The following CREBBP variants were observed in gnomAD, a reference collection of about 807,000 sequenced individuals.
CREBBP encodes the protein CREB-binding protein.
CREBBP carries 19 observed loss-of-function variants against 265.0 expected under a neutral mutation model. The observed-to-expected ratio is 0.07, with a 90% CI of 0.05 to 0.11. The LOEUF is 0.11. CREBBP is among the 10% of genes least tolerant of loss of function. The pLI, the probability that CREBBP is intolerant of heterozygous loss-of-function variation, is 1.00. For synonymous variants in CREBBP, 1,457 were observed against 1,223.7 expected, an observed-to-expected ratio of 1.19 and a Z score of -3.98; for missense variants, 2,525 against 3,219.0, an observed-to-expected ratio of 0.78 and a Z score of 5.22.
intron 1 of CREBBP, among the ~76,000 whole-genome samples, chr16:3,871,377 C>T (rs973163566): frequency 3.9e-5 from 6 of 152,328 alleles, no homozygotes; most frequent in African/African-American, 1.2e-4. Context: ...GTATAAAAAG[C>T]TGACATTTCC....
intron 1 of CREBBP, among the ~76,000 whole-genome samples, chr16:3,857,684 G>C (rs1000355552): frequency 6.6e-6 from 1 of 152,210 alleles, no homozygotes; most frequent in African/African-American, 2.4e-5. Context: ...GCAAAGAAAA[G>C]GAGACTGTGG....
chr16:3,726,168 A>G lies in CREBBP; in HGVS notation c.*1550T>C, dbSNP rs1232745961. The stretch of plus-strand genomic sequence containing the variant: ...GGACATGCTGCGCGGCAGCGGCAGG[A>G]TTTGGGGGGAAGTCAGAAAGCACCT... On this transcript the variant is annotated 3_prime_UTR_variant, in exon 31 of 31. Transcript: ENST00000262367. 1 of 225,522 alleles carries G rather than the reference A, an allele frequency of 4.4e-6. No homozygotes were observed. The highest frequency in any genetic ancestry group is 8.7e-6 in the Non-Finnish European group (1 of 115,158). 14.0% of individuals were successfully genotyped at this position (225,522 alleles called of 1,614,324 possible).
intron 1 of CREBBP, among the ~76,000 whole-genome samples, chr16:3,870,406 A>G (rs571786536): frequency 1.8e-4 from 27 of 152,348 alleles, no homozygotes; most frequent in African/African-American, 6.0e-4. Context: ...TACTATATTT[A>G]TAATTTCTCT....
chr16:3,863,945 C>G (rs918316679), intron 1 of CREBBP, among the ~76,000 whole-genome samples: 1 of 152,198 alleles, frequency 6.6e-6, no homozygotes, highest in East Asian at 1.9e-4. Flanking sequence ...ACCACCACCA[C>G]AGCTGAGAGG....
intron 2 of CREBBP, among the ~76,000 whole-genome samples, chr16:3,818,021 A>C (rs2054070512): frequency 6.6e-6 from 1 of 152,104 alleles, no homozygotes; most frequent in South Asian, 2.1e-4. Context: ...CAAATAGTCC[A>C]CTTCCAGAGA....
intron 2 of CREBBP, among the ~76,000 whole-genome samples, chr16:3,844,360 A>G (rs1448948337): frequency 1.3e-5 from 2 of 152,202 alleles, no homozygotes; most frequent in Non-Finnish European, 2.9e-5. Context: ...ATTTGATATT[A>G]TAAAACCTAC....
At chr16:3,773,632 G>C in intron 13 of CREBBP, 119 bp downstream of exon 13, 2 of 1,056,058 alleles carry the variant, frequency 1.9e-6, no homozygotes, top group East Asian at 5.2e-5. Context: ...CTGATACAAA[G>C]ACATGAAATG....
chr16:3,761,579 C>T (rs1457403107), intron 16 of CREBBP: 1 of 518,594 alleles, frequency 1.9e-6, no homozygotes, highest in East Asian at 5.5e-5. Flanking sequence ...GACTCTTGAC[C>T]AACCTCCGCA....
rs766383937 is a variant in CREBBP, at chr16:3,727,968, TGTGGAGGCTGGGACTGGGGCC to T, written c.7058_7078del (p.Arg2353_Pro2359del). 8 of 1,607,540 alleles carry T rather than the reference TGTGGAGGCTGGGACTGGGGCC, an allele frequency of 5.0e-6. No homozygotes were observed. In the African/African-American group the frequency reaches 5.3e-5, roughly 11 times the overall value. On this transcript the variant is annotated inframe_deletion, in exon 31 of 31. Coordinates refer to ENST00000262367, the MANE Select transcript of CREBBP (RefSeq NM_004380.3). ...CTGTATCCGTGGTGACGGGCTGGAA[TGTGGAGGCTGGGACTGGGGCC>T]GTGGAGACTGGACAGGGGCTGGAGA... is the stretch of plus-strand genomic sequence containing the variant.
At chr16:3,757,033 C>T (rs2052601903) in intron 19 of CREBBP, among the ~76,000 whole-genome samples, 3 of 152,138 alleles carry the variant, frequency 2.0e-5, no homozygotes. Context: ...GCCACTTTTT[C>T]TCTTTTTTTT....
intron 2 of CREBBP, among the ~76,000 whole-genome samples, chr16:3,831,388 G>A (rs1403252134): frequency 6.6e-6 from 1 of 152,042 alleles, no homozygotes; most frequent in African/African-American, 2.4e-5. Context: ...TATGTTTATG[G>A]ATTTAAAGGA....
rs533565248 is a variant in CREBBP, at chr16:3,840,156, T to C, written c.798+10141A>G. ...AGAGGCCAAATTAAGATATGCTTAA[T>C]ATAAAATTCCCTTATTTCTTTGTGT... On this transcript the variant is annotated intron_variant, in intron 2 of 30. Coordinates refer to ENST00000262367, the MANE Select transcript of CREBBP (RefSeq NM_004380.3). Among the ~76,000 whole-genome samples the C allele has an allele frequency of 1.0e-3, 158 of 152,374 alleles. 1 individual carries two copies. Among genetic ancestry groups the C allele is most frequent in the South Asian group, 2.3e-3 (11 of 4,828 alleles).
intron 6 of CREBBP, 87 bp from the exon 7 acceptor site, chr16:3,781,393 T>A: frequency 9.7e-7 from 1 of 1,027,818 alleles, no homozygotes; most frequent in Admixed American, 2.0e-5. Flanking sequence ...CATGCCACCA[T>A]ATAAACAATT....
chr16:3,744,730 G>A (rs900038225), intron 23 of CREBBP, among the ~76,000 whole-genome samples, 164 bp downstream of exon 23: 2 of 152,266 alleles, frequency 1.3e-5, no homozygotes, highest in African/African-American at 4.8e-5. Flanking sequence ...TCTCCTTAAG[G>A]ATGAGACAAG....
intron 1 of CREBBP, among the ~76,000 whole-genome samples, chr16:3,861,522 T>C (rs1364250801): frequency 6.6e-6 from 1 of 152,176 alleles, no homozygotes; most frequent in African/African-American, 2.4e-5. Flanking sequence ...CCGCCACTTA[T>C]CAATGGTAGT....
intron 1 of CREBBP, among the ~76,000 whole-genome samples, chr16:3,855,698 C>T (rs2054946923): frequency 1.3e-5 from 2 of 152,170 alleles, no homozygotes; most frequent in African/African-American, 2.4e-5. Context: ...GCAGACAGTT[C>T]CATGAGGGCA....
At chr16:3,766,121 G>GA (rs928538585) in intron 16 of CREBBP, among the ~76,000 whole-genome samples, 89 of 150,616 alleles carry the variant, frequency 5.9e-4, no homozygotes, top group Middle Eastern at 3.4e-3. Context: ...AGTGTCAATT[G>GA]AAAAAAAAAT....
intron 2 of CREBBP, among the ~76,000 whole-genome samples, chr16:3,836,780 AC>A (rs1194967630): frequency 9.2e-5 from 14 of 152,330 alleles, no homozygotes; most frequent in African/African-American, 3.1e-4. Flanking sequence ...GTGTTGCATA[AC>A]AACATTTCAG....
intron 14 of CREBBP, among the ~76,000 whole-genome samples, chr16:3,770,151 T>G (rs891457504): frequency 1.4e-4 from 21 of 152,146 alleles, no homozygotes; most frequent in Admixed American, 7.9e-4. Flanking sequence ...ATTACAGGCG[T>G]GAACCACCGC....
Sources: gnomAD v4.1 joint callset for allele counts (sites outside exome capture counted in the v4.1 genomes callset) on GRCh38, gnomAD v4.1.1 for gene constraint, MANE v1.5 for transcripts, NCBI Gene and HGNC (gene_info 2026-07-23, HGNC 2026-07-21) for gene names.